Variants in SEMA5A observed in about 807,000 individuals in gnomAD.
The protein encoded by SEMA5A is semaphorin-5A.
SEMA5A carries 55 observed loss-of-function variants against 135.5 expected under a neutral mutation model. That is an observed-to-expected ratio of 0.41 (90% CI 0.33 to 0.51). The LOEUF (loss-of-function observed/expected upper bound fraction) is 0.51. SEMA5A is among the 20% of genes least tolerant of loss of function. The probability of loss-of-function intolerance (pLI) is 0.37; values close to 1 mark genes in which losing one functional copy is unlikely to be tolerated. For synonymous variants in SEMA5A, 580 were observed against 546.5 expected (o/e 1.06, Z -0.85); for missense variants, 1,290 against 1,419.9 (o/e 0.91, Z 1.47).
At chr5:9,237,463 AT>A (rs1245821101) in intron 6 of SEMA5A, among the ~76,000 whole-genome samples, 1 of 152,244 alleles carries the variant, frequency 6.6e-6, no homozygotes, top group African/African-American at 2.4e-5. Flanking sequence ...TATTTGTCAT[AT>A]CATTACTTTC....
intron 16 of SEMA5A, among the ~76,000 whole-genome samples, chr5:9,098,065 G>A (rs925231279): frequency 1.3e-5 from 2 of 151,968 alleles, no homozygotes; most frequent in Admixed American, 1.3e-4. Context: ...CCAACATGGT[G>A]AAACCCCGTC....
chr5:9,416,459 C>A (rs985412839), intron 2 of SEMA5A, among the ~76,000 whole-genome samples: 36 of 152,086 alleles, frequency 2.4e-4, no homozygotes, highest in African/African-American at 8.5e-4. Flanking sequence ...TGGGGTGGTG[C>A]GGAAGGGCAG....
intron 11 of SEMA5A, among the ~76,000 whole-genome samples, chr5:9,177,444 T>C (rs1241205870): frequency 6.6e-6 from 1 of 152,210 alleles, no homozygotes; most frequent in Non-Finnish European, 1.5e-5. Flanking sequence ...TGAGGGCAGG[T>C]TGTGTTCCTG....
intron 5 of SEMA5A, among the ~76,000 whole-genome samples, chr5:9,298,510 G>C (rs1368360088): frequency 5.3e-5 from 8 of 152,188 alleles, no homozygotes; most frequent in South Asian, 4.1e-4. Context: ...ATACACATGC[G>C]TAGAACAGAA....
At chr5:9,412,670 T>C (rs1364952970) in intron 2 of SEMA5A, among the ~76,000 whole-genome samples, 2 of 150,502 alleles carry the variant, frequency 1.3e-5, no homozygotes, top group Non-Finnish European at 2.9e-5. Flanking sequence ...CCAAGTCTAA[T>C]CTTGAAATCT....
At chr5:9,422,843 A>G (rs1757517490) in intron 2 of SEMA5A, among the ~76,000 whole-genome samples, 1 of 152,204 alleles carries the variant, frequency 6.6e-6, no homozygotes, top group South Asian at 2.1e-4. Flanking sequence ...AAATAGTGCA[A>G]AAAAATTAAT....
intron 15 of SEMA5A, among the ~76,000 whole-genome samples, chr5:9,112,974 G>C (rs926333495): frequency 3.9e-5 from 6 of 152,202 alleles, no homozygotes; most frequent in African/African-American, 1.4e-4. Context: ...CAGCCAGCAA[G>C]AAACTGAGGC....
At chr5:9,286,426 CT>C (rs1210084529) in intron 5 of SEMA5A, among the ~76,000 whole-genome samples, 1 of 152,042 alleles carries the variant, frequency 6.6e-6, no homozygotes, top group Admixed American at 6.6e-5. Flanking sequence ...CCTCCGTACT[CT>C]TTTTTCTATC....
At chr5:9,162,381 C>CGT (rs1743302280) in intron 11 of SEMA5A, among the ~76,000 whole-genome samples, 4 of 93,270 alleles carry the variant, frequency 4.3e-5, no homozygotes, top group South Asian at 3.4e-4. Context: ...TTCAAACAAA[C>CGT]ATGTGTGTGT....
chr5:9,221,299 C>CT (rs869063755), intron 8 of SEMA5A, among the ~76,000 whole-genome samples: 2,350 of 103,226 alleles, frequency 0.023, 95 homozygotes, highest in African/African-American at 0.056. Context: ...CGAACATTTT[C>CT]TTTTTTTTTT....
intron 16 of SEMA5A, among the ~76,000 whole-genome samples, chr5:9,096,167 C>G (rs976664597): frequency 6.6e-6 from 1 of 152,174 alleles, no homozygotes; most frequent in Non-Finnish European, 1.5e-5. Flanking sequence ...CTCACCAGCA[C>G]TTGTTATCTC....
intron 7 of SEMA5A, among the ~76,000 whole-genome samples, chr5:9,225,389 TAAAA>T (rs34806769): frequency 0.012 from 518 of 43,078 alleles, 5 homozygotes; most frequent in African/African-American, 0.048. Context: ...CCATCTCTAC[TAAAA>T]AAAAAAAAAA....
chr5:9,264,703 G>C (rs1025011772), intron 5 of SEMA5A, among the ~76,000 whole-genome samples: 5 of 152,058 alleles, frequency 3.3e-5, no homozygotes, highest in African/African-American at 1.2e-4. Flanking sequence ...GTTTGCCCTT[G>C]GTAGATCCTG....
At chr5:9,217,644 G>T (rs1393848460) in intron 8 of SEMA5A, among the ~76,000 whole-genome samples, 1 of 152,114 alleles carries the variant, frequency 6.6e-6, no homozygotes, top group South Asian at 2.1e-4. Flanking sequence ...CATAGATTTG[G>T]TGTCTTTACC....
chr5:9,319,496 G>A (rs1752532800), intron 4 of SEMA5A, among the ~76,000 whole-genome samples: 1 of 152,128 alleles, frequency 6.6e-6, no homozygotes, highest in Admixed American at 6.5e-5. Flanking sequence ...CTCTAGTGTT[G>A]TAGGTTTTAG....
rs546514130 is a variant in SEMA5A at position 9,286,442 on chromosome 5, G to A, written c.270+31930C>T. 1.9e-4 allele frequency among the ~76,000 whole-genome samples: 29 copies of A among 151,570 alleles called. 1 individual carries two copies. In the South Asian group the frequency reaches 2.5e-3, roughly 13 times the overall value. ...CTCCGTACTCTTTTTTCTATCTCCC[G>A]GACCATATTAATAAGGTTCAGCAAT... On this transcript the variant is annotated intron_variant, in intron 5 of 22. Transcript: ENST00000382496.
chr5:9,065,422 T>C (rs969022673), intron 17 of SEMA5A, among the ~76,000 whole-genome samples: 3 of 152,228 alleles, frequency 2.0e-5, no homozygotes, highest in Non-Finnish European at 2.9e-5. Flanking sequence ...CAATAAATTC[T>C]GTCCAACGTG....
rs75263764 is a variant in SEMA5A at position 9,304,466 on chromosome 5, A to G, written c.270+13906T>C. On this transcript the variant is annotated intron_variant, in intron 5 of 22. Coordinates refer to ENST00000382496, the MANE Select transcript of SEMA5A (RefSeq NM_003966.3). ...ATGAATATAATATCATCTTTATATT[A>G]TTTTTAAAGTTAAACATACACTCAA... 2.5e-3 allele frequency among the ~76,000 whole-genome samples: 374 copies of G among 151,992 alleles called. 2 individuals carry two copies. The highest frequency in any genetic ancestry group is 8.4e-3 in the African/African-American group (350 of 41,506).
intron 11 of SEMA5A, among the ~76,000 whole-genome samples, chr5:9,161,300 A>G (rs3846574): frequency 0.61 from 92,329 of 151,812 alleles, 28,346 homozygotes; most frequent in Non-Finnish European, 0.65. Context: ...AAAAACCCTC[A>G]AGCACTGAGG....
Sources: allele counts gnomAD v4.1 joint callset (sites outside exome capture counted in the v4.1 genomes callset), GRCh38; gene constraint gnomAD v4.1.1; transcripts MANE v1.5; gene names NCBI Gene and HGNC (gene_info 2026-07-23, HGNC 2026-07-21).